ADGRB3: variants seen among roughly 807,000 people sequenced by gnomAD.
ADGRB3 encodes brain-specific angiogenesis inhibitor 3.
ADGRB3 carries 37 observed loss-of-function variants against 193.4 expected under a neutral mutation model. That is an observed-to-expected ratio of 0.19 (90% CI 0.15 to 0.25). The LOEUF is 0.25. Ranked by LOEUF, ADGRB3 falls within the 10% of genes least tolerant of loss-of-function variation. The probability of loss-of-function intolerance (pLI) is 1.00; values close to 1 mark genes in which losing one functional copy is unlikely to be tolerated. For missense variants in ADGRB3, 1,637 were observed against 1,852.9 expected (o/e 0.88, Z 2.14); for synonymous variants, 690 against 644.2 (o/e 1.07, Z -1.08).
chr6:69,374,010 T>C (rs925934496), intron 30 of ADGRB3, among the ~76,000 whole-genome samples: 7 of 152,096 alleles, frequency 4.6e-5, no homozygotes, highest in Non-Finnish European at 1.0e-4. Flanking sequence ...TCTACGCTTA[T>C]TATTCCACCC....
chr6:68,992,896 TATTG>T (rs1237551134), intron 10 of ADGRB3, among the ~76,000 whole-genome samples: 4 of 134,098 alleles, frequency 3.0e-5, no homozygotes, highest in African/African-American at 1.1e-4. Context: ...GCCTGTTAAT[TATTG>T]ATTATTTCAT....
intron 10 of ADGRB3, among the ~76,000 whole-genome samples, chr6:68,975,926 T>G (rs565760598): frequency 2.0e-5 from 3 of 152,338 alleles, no homozygotes; most frequent in African/African-American, 4.8e-5. Flanking sequence ...ATGAATATTT[T>G]GAGCATAGTT....
chr6:68,658,091 T>C (rs1768533956), intron 3 of ADGRB3, among the ~76,000 whole-genome samples: 1 of 151,358 alleles, frequency 6.6e-6, no homozygotes, highest in Non-Finnish European at 1.5e-5. Context: ...TCAGATAAAA[T>C]TTTAAATATT....
At chr6:68,946,725 G>T (rs1767784885) in intron 6 of ADGRB3, among the ~76,000 whole-genome samples, 1 of 152,056 alleles carries the variant, frequency 6.6e-6, no homozygotes, top group African/African-American at 2.4e-5. Flanking sequence ...TTGACGGGGT[G>T]GGCTGTGGTA....
At chr6:69,269,916 G>A (rs1392818725) in intron 20 of ADGRB3, among the ~76,000 whole-genome samples, 2 of 152,070 alleles carry the variant, frequency 1.3e-5, no homozygotes, top group Admixed American at 6.6e-5. Flanking sequence ...AACATTTGTA[G>A]TATTAACACA....
chr6:68,925,472 C>T (rs910904825), intron 3 of ADGRB3, among the ~76,000 whole-genome samples: 3 of 151,906 alleles, frequency 2.0e-5, no homozygotes, highest in African/African-American at 4.8e-5. Context: ...TACTTGCCTA[C>T]CATACCTTAA....
chr6:68,788,504 A>G (rs985597205), intron 3 of ADGRB3, among the ~76,000 whole-genome samples: 2 of 152,094 alleles, frequency 1.3e-5, no homozygotes, highest in Non-Finnish European at 2.9e-5. Flanking sequence ...GTTTGATTGC[A>G]CTGTGGTCTG....
chr6:69,207,459 G>A (rs1765563354), intron 17 of ADGRB3, among the ~76,000 whole-genome samples: 1 of 152,134 alleles, frequency 6.6e-6, no homozygotes, highest in African/African-American at 2.4e-5. Context: ...GCCAAATGCA[G>A]CAACTTATCC....
chr6:69,026,190 G>T (rs1252696172), intron 13 of ADGRB3, among the ~76,000 whole-genome samples: 1 of 152,168 alleles, frequency 6.6e-6, no homozygotes, highest in Non-Finnish European at 1.5e-5. Context: ...CATCAAACAT[G>T]CCCAGTGGTT....
At chr6:68,963,856 G>T (rs561565671) in intron 8 of ADGRB3, among the ~76,000 whole-genome samples, 1 of 152,186 alleles carries the variant, frequency 6.6e-6, no homozygotes, top group Non-Finnish European at 1.5e-5. Flanking sequence ...ATTATTATAT[G>T]ATTATATCTG....
chr6:68,955,205 A>G, intron 6 of ADGRB3, among the ~76,000 whole-genome samples: 1 of 152,154 alleles, frequency 6.6e-6, no homozygotes, highest in South Asian at 2.1e-4. Context: ...TGTTCTCTTT[A>G]TCCTTCAAGG....
At chr6:69,211,837 A>G (rs1337926345) in intron 17 of ADGRB3, among the ~76,000 whole-genome samples, 2 of 152,148 alleles carry the variant, frequency 1.3e-5, no homozygotes. Flanking sequence ...TTCATAACCA[A>G]TTCTATATGG....
intron 17 of ADGRB3, among the ~76,000 whole-genome samples, chr6:69,184,626 T>C (rs1389363955): frequency 2.0e-5 from 3 of 152,082 alleles, no homozygotes; most frequent in Admixed American, 1.3e-4. Context: ...ACTGGAGAAA[T>C]TGGACTTTTT....
At chr6:68,784,339 C>T (rs1582198635) in intron 3 of ADGRB3, among the ~76,000 whole-genome samples, 1 of 152,064 alleles carries the variant, frequency 6.6e-6, no homozygotes, top group Non-Finnish European at 1.5e-5. Context: ...GAAGCGATAC[C>T]AGTGTTACTT....
chr6:68,899,911 C>G (rs571878548), intron 3 of ADGRB3, among the ~76,000 whole-genome samples: 1 of 151,924 alleles, frequency 6.6e-6, no homozygotes, highest in Non-Finnish European at 1.5e-5. Flanking sequence ...CTAATGAATT[C>G]ATATTTTAAA....
chr6:68,921,109 G>A (rs1417377402), intron 3 of ADGRB3, among the ~76,000 whole-genome samples: 1 of 152,040 alleles, frequency 6.6e-6, no homozygotes, highest in South Asian at 2.1e-4. Flanking sequence ...AAAATAAACA[G>A]CAAGAAAACA....
At chr6:69,091,522 A>T (rs1235213527) in intron 17 of ADGRB3, among the ~76,000 whole-genome samples, 1 of 152,210 alleles carries the variant, frequency 6.6e-6, no homozygotes, top group East Asian at 1.9e-4. Flanking sequence ...CATTATCCTG[A>T]GCAAACTAAC....
chr6:68,788,721 G>A (rs919748449), intron 3 of ADGRB3, among the ~76,000 whole-genome samples: 12 of 152,154 alleles, frequency 7.9e-5, no homozygotes, highest in African/African-American at 2.7e-4. Context: ...TTAACTTTCT[G>A]TCTCTTTGAT....
intron 20 of ADGRB3, among the ~76,000 whole-genome samples, chr6:69,243,799 A>T (rs1167694933): frequency 1.3e-5 from 2 of 151,972 alleles, no homozygotes. Flanking sequence ...CAACTGACCA[A>T]CTAGTCTGGG....
Sources: allele counts gnomAD v4.1 joint callset (sites outside exome capture counted in the v4.1 genomes callset), GRCh38; gene constraint gnomAD v4.1.1; transcripts MANE v1.5; gene names NCBI Gene and HGNC (gene_info 2026-07-23, HGNC 2026-07-21).